FBN1: variants seen among roughly 807,000 people sequenced by gnomAD.
The protein encoded by FBN1 is fibrillin 1.
FBN1 carries 29 observed loss-of-function variants against 365.1 expected under a neutral mutation model. The ratio of observed to expected loss-of-function variants is 0.08; its 90% CI spans 0.06 to 0.11. The LOEUF is 0.11. Ranked by LOEUF, FBN1 falls within the 10% of genes least tolerant of loss-of-function variation. The pLI, the probability that FBN1 is intolerant of heterozygous loss-of-function variation, is 1.00. For missense variants in FBN1, 2,476 were observed against 3,703.2 expected, an observed-to-expected ratio of 0.67 and a Z score of 8.60; for synonymous variants, 1,210 against 1,270.5, an observed-to-expected ratio of 0.95 and a Z score of 1.01.
At chr15:48,523,170 C>A (rs1033093334) in intron 9 of FBN1, among the ~76,000 whole-genome samples, 2 of 152,158 alleles carry the variant, frequency 1.3e-5, no homozygotes, top group African/African-American at 4.8e-5. Flanking sequence ...TGGCTTATAT[C>A]CCAGCTTCAA....
chr15:48,516,229 G>T lies in FBN1; in HGVS notation c.1281C>A (p.Val427=), dbSNP rs759949880. Residue 427 remains valine (V), a synonymous_variant, in exon 11 of 66, where the codon GTC becomes GTA. Transcript: ENST00000316623. Reference sequence around the variant, plus strand: ...ACAGATATTCCACTGGTGGTCGAGGGACCGGAATTTGAGGTCCAGGAGGAA... The same window carrying T: ...ACAGATATTCCACTGGTGGTCGAGGTACCGGAATTTGAGGTCCAGGAGGAA... The part of the protein sequence containing the change: ...PGFPPGPQIP[V]PRPPVEYLYP... 2 of 1,613,792 alleles carry T rather than the reference G, an allele frequency of 1.2e-6. No individual in the cohort carries two copies. The highest frequency in any genetic ancestry group is 3.3e-5 in the Admixed American group (2 of 60,000).
rs6145556 is a variant in FBN1, at chr15:48,456,843, C to CGTGCGTGTGTGTGTGT, written c.5297-82_5297-81insACACACACACACGCAC. The CGTGCGTGTGTGTGTGT allele has an allele frequency of 9.3e-5, 69 of 744,722 alleles. No individual in the cohort carries two copies. In the African/African-American group the frequency reaches 9.3e-4, roughly 10 times the overall value. 46.1% of individuals were successfully genotyped at this position (744,722 alleles called of 1,614,324 possible). A position where few individuals can be genotyped will look rare whatever the true frequency, so the allele number is the denominator to read the frequency against. On this transcript the variant is annotated intron_variant, in intron 43 of 65. Coordinates refer to ENST00000316623, the MANE Select transcript of FBN1 (RefSeq NM_000138.5). ...GGTAAGACAAGATGGAAAGTGCGTG[C>CGTGCGTGTGTGTGTGT]GTGTGTGTGTGTGTGTGTGTGTGTG...
At position 48,429,085 on chromosome 15, in the gene FBN1, T is replaced by G. The variant is rs528090071; in HGVS notation, c.6872-614A>C. Among the ~76,000 whole-genome samples, 6 of 152,320 alleles carry G rather than the reference T, an allele frequency of 3.9e-5. No homozygotes were observed. The South Asian group carries it at 1.2e-3, about 32-fold the overall frequency. ...AGCATTTTATATACTTAAACATAGA[T>G]GGTAGCATTTTATGCACACTTACAT... is the stretch of plus-strand genomic sequence containing the variant. On this transcript the variant is annotated intron_variant, in intron 56 of 65. Transcript: ENST00000316623.
chr15:48,471,578 G>C (rs890978208), intron 35 of FBN1, among the ~76,000 whole-genome samples: 2 of 152,088 alleles, frequency 1.3e-5, no homozygotes, highest in Non-Finnish European at 2.9e-5. Context: ...ATCAAACTCT[G>C]CATATTTAAT....
chr15:48,562,428 T>C (rs1451847889), intron 6 of FBN1, among the ~76,000 whole-genome samples: 3 of 152,186 alleles, frequency 2.0e-5, no homozygotes, highest in African/African-American at 7.2e-5. Context: ...ATGTTGTGTA[T>C]TACAAATAGG....
chr15:48,606,414 C>T (rs1010511921), intron 4 of FBN1, among the ~76,000 whole-genome samples: 1 of 152,106 alleles, frequency 6.6e-6, no homozygotes, highest in African/African-American at 2.4e-5. Context: ...TAAAAGATAA[C>T]AAGCTGTTCA....
At chr15:48,417,473 C>CTTCCTTCCTTCCTTCCTTCCTTCCA in intron 63 of FBN1, among the ~76,000 whole-genome samples, 1 of 103,878 alleles carries the variant, frequency 9.6e-6, no homozygotes, top group South Asian at 3.4e-4. Flanking sequence ...CCTTCCTTTC[C>CTTCCTTCCTTCCTTCCTTCCTTCCA]TTCCTTCCTT....
In FBN1 at chr15:48,620,840, T is replaced by C. The variant is rs188409089; in HGVS notation, c.165-7748A>G. Among the ~76,000 whole-genome samples, 405 of 152,160 alleles carry C rather than the reference T, an allele frequency of 2.7e-3. 1 individual carries two copies. Among genetic ancestry groups the C allele is most frequent in the African/African-American group, 9.3e-3 (387 of 41,502 alleles). The stretch of plus-strand genomic sequence containing the variant: ...CTTGGTTGCTAATACTATTATTCAA[T>C]AAAAGGAATCAGGGCTCCTGGGAGA... On this transcript the variant is annotated intron_variant, in intron 2 of 65. Transcript: ENST00000316623.
At chr15:48,600,030 C>A in intron 5 of FBN1, 109 bp downstream of exon 5, 1 of 816,740 alleles carries the variant, frequency 1.2e-6, no homozygotes, top group Non-Finnish European at 2.1e-6. Context: ...CACTTGTAAA[C>A]ATGCTGTGTC....
At chr15:48,514,966 T>A (rs2043788813) in intron 12 of FBN1, among the ~76,000 whole-genome samples, 1 of 151,904 alleles carries the variant, frequency 6.6e-6, no homozygotes, top group Admixed American at 6.6e-5. Context: ...AGATGGAGAG[T>A]CTCCTGGATT....
At chr15:48,564,877 T>C (rs2044248506) in intron 6 of FBN1, among the ~76,000 whole-genome samples, 1 of 152,222 alleles carries the variant, frequency 6.6e-6, no homozygotes, top group African/African-American at 2.4e-5. Flanking sequence ...CCCCAGGCTA[T>C]CTAAACAGAC....
intron 2 of FBN1, among the ~76,000 whole-genome samples, chr15:48,623,032 T>C (rs2140752983): frequency 6.6e-6 from 1 of 152,282 alleles, no homozygotes; most frequent in African/African-American, 2.4e-5. Flanking sequence ...CTAGATCTCA[T>C]CCCTGAAGCC....
chr15:48,427,635 G>A lies in FBN1; in HGVS notation c.7136C>T (p.Pro2379Leu), dbSNP rs1295154212. 2 of 1,614,178 alleles carry A rather than the reference G, an allele frequency of 1.2e-6. No homozygotes were observed. The highest frequency in any genetic ancestry group is 1.7e-6 in the Non-Finnish European group (2 of 1,180,018). The change falls in exon 58 of 66, where the codon CCT (proline) becomes CTT (leucine). Residue 2379 changes from proline (P) to leucine (L), a missense_variant. This residue lies in a region of FBN1 where 1,780 missense variants were observed against 2,840.8 expected (regional missense o/e 0.63). Coordinates refer to ENST00000316623, the MANE Select transcript of FBN1 (RefSeq NM_000138.5). ...CTTGAAAGCCACAGTCCCCTGGAAA[G>A]GGCAGATCTCACAGTGGGGACCCCA... ...RGWGPHCEIC[P>L]FQGTVAFKKL...
At chr15:48,419,563 C>T (rs2042924792) in intron 63 of FBN1, among the ~76,000 whole-genome samples, 1 of 152,146 alleles carries the variant, frequency 6.6e-6, no homozygotes, top group Admixed American at 6.5e-5. Context: ...GATAGCTAGC[C>T]AGAGACTCAC....
chr15:48,628,544 T>C (rs1889929078), intron 2 of FBN1, among the ~76,000 whole-genome samples: 1 of 152,188 alleles, frequency 6.6e-6, no homozygotes, highest in Non-Finnish European at 1.5e-5. Context: ...ATTATTTTCT[T>C]CCCTTTCAAA....
At chr15:48,476,757 C>G (rs1307343094) in intron 32 of FBN1, 5 of 167,744 alleles carry the variant, frequency 3.0e-5, no homozygotes, top group Middle Eastern at 2.9e-3. Context: ...ATTACAGGTG[C>G]CTGCCACCAC....
Position 48,644,595 on chromosome 15 carries a change from G to T in FBN1, c.164+11C>A. Reference sequence around the variant, plus strand: ...GAGACCCACACCAAAGGAGGGAACCGGTTCCTTTACCCTTTAAGCGCGTCG... The same window carrying T: ...GAGACCCACACCAAAGGAGGGAACCTGTTCCTTTACCCTTTAAGCGCGTCG... On this transcript the variant is annotated intron_variant, in intron 2 of 65. Transcript: ENST00000316623. The T allele has an allele frequency of 6.2e-7, 1 of 1,614,064 alleles. No individual in the cohort carries two copies. Among genetic ancestry groups the T allele is most frequent in the Non-Finnish European group, 8.5e-7 (1 of 1,180,000 alleles).
chr15:48,533,973 A>G lies in FBN1; in HGVS notation c.862+107T>C, dbSNP rs558927239. 6.1e-6 allele frequency: 9 copies of G among 1,463,878 alleles called. No homozygotes were observed. The South Asian group carries it at 1.0e-4, about 17-fold the overall frequency. 90.7% of individuals were successfully genotyped at this position (1,463,878 alleles called of 1,614,324 possible). A position where few individuals can be genotyped will look rare whatever the true frequency, so the allele number is the denominator to read the frequency against. On this transcript the variant is annotated intron_variant, in intron 8 of 65. Transcript: ENST00000316623. ...TTATATTTACACATTCACAGGGATGACAAAGACAGAAGGATTTAGGAATAA... is the reference window on the plus strand; with the variant it reads ...TTATATTTACACATTCACAGGGATGGCAAAGACAGAAGGATTTAGGAATAA...
chr15:48,497,450 G>A lies in FBN1; in HGVS notation c.2168-59C>T. On this transcript the variant is annotated intron_variant, in intron 18 of 65. Transcript: ENST00000316623. ...TTATAAAATAAATACTGAATGAATTGTTAAAAATATAACACTACAATAAAT... is the reference window on the plus strand; with the variant it reads ...TTATAAAATAAATACTGAATGAATTATTAAAAATATAACACTACAATAAAT... 4 of 1,503,018 alleles carry A rather than the reference G, an allele frequency of 2.7e-6. No homozygotes were observed. The South Asian group carries it at 3.4e-5, about 13-fold the overall frequency. 93.1% of individuals were successfully genotyped at this position (1,503,018 alleles called of 1,614,324 possible).
Sources: allele counts gnomAD v4.1 joint callset (sites outside exome capture counted in the v4.1 genomes callset), GRCh38; gene constraint gnomAD v4.1.1; regional missense constraint gnomAD v4.1.1; transcripts MANE v1.5; gene names NCBI Gene and HGNC (gene_info 2026-07-23, HGNC 2026-07-21).